The following UXS1 variants were observed in gnomAD, a reference collection of about 807,000 sequenced individuals.
UXS1 encodes UDP-glucuronate decarboxylase 1, also known as UDP-glucuronic acid decarboxylase 1.
A neutral mutation model predicts 62.6 loss-of-function variants in UXS1; 33 were observed. The observed-to-expected ratio is 0.53, with a 90% confidence interval of 0.40 to 0.70. The LOEUF (loss-of-function observed/expected upper bound fraction) is 0.70, where lower values mean the gene tolerates loss of function less well. Ranked by LOEUF, UXS1 falls within the 30% of genes least tolerant of loss-of-function variation. The pLI, the probability that UXS1 is intolerant of heterozygous loss-of-function variation, is 0.00. For synonymous variants in UXS1, 213 were observed against 206.8 expected, an observed-to-expected ratio of 1.03 and a Z score of -0.26; for missense variants, 434 against 556.3, an observed-to-expected ratio of 0.78 and a Z score of 2.21.
At chr2:106,124,828 C>T (rs979710754) in intron 8 of UXS1, among the ~76,000 whole-genome samples, 2 of 152,148 alleles carry the variant, frequency 1.3e-5, no homozygotes, top group African/African-American at 4.8e-5. Context: ...AGAAGAATTT[C>T]TCTGTTGCTA....
intron 12 of UXS1, 22 bp downstream of exon 12, chr2:106,101,036 G>GTGGA: frequency 6.2e-7 from 1 of 1,613,928 alleles, no homozygotes; most frequent in Non-Finnish European, 8.5e-7. Context: ...GTCCTGCAGA[G>GTGGA]TGGAGGGAGA....
chr2:106,129,167 T>C (rs1680217349), intron 7 of UXS1, among the ~76,000 whole-genome samples: 1 of 152,218 alleles, frequency 6.6e-6, no homozygotes, highest in South Asian at 2.1e-4. Flanking sequence ...AAGTCCAATC[T>C]AGGGCAGGTA....
At chr2:106,163,352 GTCC>G (rs1683020905) in intron 4 of UXS1, among the ~76,000 whole-genome samples, 1 of 152,080 alleles carries the variant, frequency 6.6e-6, no homozygotes, top group African/African-American at 2.4e-5. Flanking sequence ...CCACTGGATT[GTCC>G]TCCTATTTTG....
chr2:106,179,054 C>T (rs1483988809), intron 1 of UXS1, among the ~76,000 whole-genome samples: 1 of 152,154 alleles, frequency 6.6e-6, no homozygotes, highest in Non-Finnish European at 1.5e-5. Context: ...TGCAGCAAAG[C>T]CCTGCATGGT....
At chr2:106,148,509 T>C (rs1210760489) in intron 5 of UXS1, among the ~76,000 whole-genome samples, 1 of 152,228 alleles carries the variant, frequency 6.6e-6, no homozygotes, top group Non-Finnish European at 1.5e-5. Flanking sequence ...ATATCAGAGA[T>C]GCAGCGTATT....
At chr2:106,151,718 C>T (rs1682030596) in intron 5 of UXS1, among the ~76,000 whole-genome samples, 1 of 152,224 alleles carries the variant, frequency 6.6e-6, no homozygotes, top group Admixed American at 6.5e-5. Context: ...TTCTATGCTA[C>T]TTGAGACACT....
rs552577215 is a variant in UXS1 at position 106,178,482 on chromosome 2, A to G, written c.95-12399T>C. Among the ~76,000 whole-genome samples, 110 of 151,150 alleles carry G rather than the reference A, an allele frequency of 7.3e-4. 1 individual carries two copies. The highest frequency in any genetic ancestry group is 3.4e-3 in the Middle Eastern group (1 of 290). On this transcript the variant is annotated intron_variant, in intron 1 of 14. Coordinates refer to ENST00000283148, the MANE Select transcript of UXS1 (RefSeq NM_001253875.2). ...TGTGTATATACATACAAGTGTGTGT[A>G]TATATATATAAGTATGTGTATGTAT...
chr2:106,168,128 T>C (rs548512152), intron 1 of UXS1, among the ~76,000 whole-genome samples: 1 of 152,232 alleles, frequency 6.6e-6, no homozygotes, highest in South Asian at 2.1e-4. Flanking sequence ...ACCATTGCAC[T>C]CCAGCCTGGG....
intron 6 of UXS1, among the ~76,000 whole-genome samples, chr2:106,136,965 C>CAAAAA (rs397701050): frequency 0.01 from 540 of 53,874 alleles, no homozygotes; most frequent in Non-Finnish European, 0.014. Context: ...AGAACACACA[C>CAAAAA]AAAAAAAAAA....
intron 6 of UXS1, chr2:106,138,194 C>G: frequency 1.0e-6 from 1 of 985,494 alleles, no homozygotes; most frequent in Non-Finnish European, 1.2e-6. Flanking sequence ...TCCTCGTCGT[C>G]TGCTCCAGTC....
intron 5 of UXS1, among the ~76,000 whole-genome samples, chr2:106,157,176 T>C (rs1277317836): frequency 6.6e-6 from 1 of 152,140 alleles, no homozygotes; most frequent in African/African-American, 2.4e-5. Context: ...GATGTGGTAA[T>C]GGTTGCACAA....
At chr2:106,119,084 AG>A (rs1196992890) in intron 9 of UXS1, among the ~76,000 whole-genome samples, 4 of 152,248 alleles carry the variant, frequency 2.6e-5, no homozygotes, top group African/African-American at 9.6e-5. Context: ...TCACACATTT[AG>A]AACTATAAAC....
intron 5 of UXS1, among the ~76,000 whole-genome samples, chr2:106,152,004 A>T (rs1573519663): frequency 1.3e-5 from 2 of 152,344 alleles, no homozygotes; most frequent in Admixed American, 1.3e-4. Context: ...CAACCTGTGT[A>T]CTAGTCATTT....
At chr2:106,180,101 T>A (rs1275050420) in intron 1 of UXS1, among the ~76,000 whole-genome samples, 1 of 152,286 alleles carries the variant, frequency 6.6e-6, no homozygotes, top group East Asian at 1.9e-4. Flanking sequence ...AGAGCGAGAC[T>A]CCGTCTCAAA....
rs187458449 is a variant in UXS1 at position 106,138,813 on chromosome 2, C to T, written c.472+6377G>A. The T allele has an allele frequency of 3.0e-5, 30 of 985,430 alleles. No individual in the cohort carries two copies. In the Admixed American group the frequency reaches 6.8e-4, roughly 22 times the overall value. The allele number at this position is 985,430 out of a possible 1,614,324, so 61.0% of individuals were successfully genotyped here. On this transcript the variant is annotated intron_variant, in intron 6 of 14. Coordinates refer to ENST00000283148, the MANE Select transcript of UXS1 (RefSeq NM_001253875.2). ...AAAACCCTATGAAAATCAAAGTTTCCCACCACCCCCCTCTCCTTTGAGAAT... is the reference window on the plus strand; with the variant it reads ...AAAACCCTATGAAAATCAAAGTTTCTCACCACCCCCCTCTCCTTTGAGAAT...
At chr2:106,180,853 G>A (rs1317524337) in intron 1 of UXS1, among the ~76,000 whole-genome samples, 1 of 152,086 alleles carries the variant, frequency 6.6e-6, no homozygotes, top group South Asian at 2.1e-4. Flanking sequence ...TCCCAACTTC[G>A]CAAATATCAA....
chr2:106,098,401 C>G (rs1573388020), intron 13 of UXS1, among the ~76,000 whole-genome samples: 1 of 152,188 alleles, frequency 6.6e-6, no homozygotes, highest in African/African-American at 2.4e-5. Context: ...CTTGACATGA[C>G]CAGTTCGGAA....
chr2:106,148,710 C>T (rs1465536131), intron 5 of UXS1, among the ~76,000 whole-genome samples: 1 of 152,104 alleles, frequency 6.6e-6, no homozygotes, highest in Non-Finnish European at 1.5e-5. Flanking sequence ...CAATGTTAGC[C>T]CATTAGGCAA....
intron 1 of UXS1, among the ~76,000 whole-genome samples, chr2:106,176,325 G>C (rs558032867): frequency 6.6e-6 from 1 of 152,296 alleles, no homozygotes; most frequent in African/African-American, 2.4e-5. Context: ...CCCTGAGGTG[G>C]CACAACTGAA....
Sources: gnomAD v4.1 joint callset for allele counts (sites outside exome capture counted in the v4.1 genomes callset) on GRCh38, gnomAD v4.1.1 for gene constraint, MANE v1.5 for transcripts, NCBI Gene and HGNC (gene_info 2026-07-23, HGNC 2026-07-21) for gene names.